Variants in OPHN1 observed in about 807,000 individuals in gnomAD.
OPHN1 encodes the protein oligophrenin 1, also known as oligophrenin-1.
A neutral mutation model predicts 60.7 loss-of-function variants in OPHN1; 11 were observed. The observed-to-expected ratio is 0.18, with a 90% CI of 0.11 to 0.30. The LOEUF is 0.30. OPHN1 is among the 10% of genes least tolerant of loss of function. OPHN1 has a pLI of 1.00. For synonymous variants in OPHN1, 226 were observed against 222.6 expected, an observed-to-expected ratio of 1.02 and a Z score of -0.14; for missense variants, 449 against 611.0, an observed-to-expected ratio of 0.73 and a Z score of 2.80.
chrX:68,379,433 C>T (rs2078581992), intron 2 of OPHN1, among the ~76,000 whole-genome samples: 1 of 106,857 alleles, frequency 9.4e-6, no homozygotes, highest in Admixed American at 1.0e-4. Context: ...CCTTCTCCTG[C>T]CTAATTGCCC....
chrX:68,382,773 T>C (rs189193222), intron 2 of OPHN1, among the ~76,000 whole-genome samples: 81 of 111,774 alleles, frequency 7.2e-4, no homozygotes, highest in South Asian at 2.3e-3. Context: ...TTATGGTATG[T>C]GAATTTTATC....
chrX:68,099,032 A>T (rs1054616003), intron 18 of OPHN1, among the ~76,000 whole-genome samples: 13 of 111,192 alleles, frequency 1.2e-4, no homozygotes, highest in Non-Finnish European at 9.4e-5. Context: ...GGAGAAATCA[A>T]AACTCATATG....
chrX:68,089,107 G>A lies in OPHN1; in HGVS notation c.1686+7763C>T, dbSNP rs754717134. Reference sequence around the variant, plus strand: ...ATTCCTGTTTTCTGAAATTCCTATTGGCCTATCACCAGACTGCTGAAGCTC... The same window carrying A: ...ATTCCTGTTTTCTGAAATTCCTATTAGCCTATCACCAGACTGCTGAAGCTC... On this transcript the variant is annotated intron_variant, in intron 19 of 24. Transcript: ENST00000355520. Among the ~76,000 whole-genome samples, 16 of 111,042 alleles carry A rather than the reference G, an allele frequency of 1.4e-4. No homozygotes were observed. In the South Asian group the frequency reaches 6.1e-3, roughly 43 times the overall value.
At chrX:68,376,218 A>G (rs2062130947) in intron 2 of OPHN1, among the ~76,000 whole-genome samples, 2 of 111,959 alleles carry the variant, frequency 1.8e-5, no homozygotes, top group African/African-American at 6.5e-5. Flanking sequence ...CCTGCCCTCA[A>G]GGAACTCATT....
At chrX:68,316,858 T>G (rs2078201667) in intron 2 of OPHN1, among the ~76,000 whole-genome samples, 1 of 112,065 alleles carries the variant, frequency 8.9e-6, no homozygotes, top group Non-Finnish European at 1.9e-5. Context: ...ATTTATAAAT[T>G]TAAGTGAGTA....
chrX:68,149,739 T>C (rs982467763), intron 15 of OPHN1, among the ~76,000 whole-genome samples: 8 of 110,600 alleles, frequency 7.2e-5, no homozygotes, highest in African/African-American at 2.6e-4. Flanking sequence ...AGTTTCATGG[T>C]TCCTCGAAAA....
chrX:68,135,594 G>A (rs745605219), intron 15 of OPHN1, among the ~76,000 whole-genome samples: 12 of 112,288 alleles, frequency 1.1e-4, no homozygotes, highest in Admixed American at 3.8e-4. Flanking sequence ...CAGTAAGAGC[G>A]TAACTGGGAC....
In OPHN1 at chrX:68,104,100, C is replaced by A. The variant is rs188146290; in HGVS notation, c.1527-7071G>T. On this transcript the variant is annotated intron_variant, in intron 18 of 24. Transcript: ENST00000355520. ...GAGAATAAAATACCTAGGAATACAA[C>A]ATGCAAGGGACGTGAAGGGCCTCTT... Among the ~76,000 whole-genome samples, 578 of 111,676 alleles carry A rather than the reference C, an allele frequency of 5.2e-3. 2 individuals are homozygous for A. The highest frequency in any genetic ancestry group is 8.5e-3 in the Non-Finnish European group (451 of 53,078).
rs773632176 is a variant in OPHN1 at position 68,234,083 on chromosome X, C to T, written c.486+404G>A. Among the ~76,000 whole-genome samples the T allele has an allele frequency of 2.5e-3, 199 of 78,526 alleles. 1 individual carries two copies. Among genetic ancestry groups the T allele is most frequent in the Admixed American group, 5.3e-3 (35 of 6,613 alleles). 68.2% of individuals were successfully genotyped at this position (78,526 alleles called of 115,157 possible). ...GTCCCAAAACAGAACATTCCCCTAA[C>T]CCCTCACCAAAAAAAAAAAAAAAAA... On this transcript the variant is annotated intron_variant, in intron 6 of 24. Coordinates refer to ENST00000355520, the MANE Select transcript of OPHN1 (RefSeq NM_002547.3).
intron 2 of OPHN1, among the ~76,000 whole-genome samples, chrX:68,404,483 T>C: frequency 9.0e-6 from 1 of 111,403 alleles, no homozygotes. Context: ...AATTATCATA[T>C]AATCCAGCAA....
chrX:68,104,577 T>C (rs900973410), intron 18 of OPHN1, among the ~76,000 whole-genome samples: 1 of 111,988 alleles, frequency 8.9e-6, no homozygotes, highest in Non-Finnish European at 1.9e-5. Context: ...GGATTCCCTA[T>C]GTAATAAATG....
chrX:68,253,204 G>A (rs1268644291), intron 5 of OPHN1, among the ~76,000 whole-genome samples: 1 of 111,391 alleles, frequency 9.0e-6, no homozygotes, highest in Non-Finnish European at 1.9e-5. Flanking sequence ...AACTTTATAA[G>A]TAAAATAAAC....
chrX:68,125,587 T>C (rs1484759901), intron 15 of OPHN1, among the ~76,000 whole-genome samples: 2 of 109,624 alleles, frequency 1.8e-5, no homozygotes, highest in African/African-American at 6.6e-5. Flanking sequence ...CTAGAAGAAA[T>C]TGATAAATTC....
At chrX:68,220,195 T>C (rs1392272229) in intron 6 of OPHN1, among the ~76,000 whole-genome samples, 1 of 105,558 alleles carries the variant, frequency 9.5e-6, no homozygotes, top group East Asian at 3.1e-4. Flanking sequence ...AATGGATAAA[T>C]TCCTGGACAC....
At chrX:68,318,879 TA>T (rs773702954) in intron 2 of OPHN1, among the ~76,000 whole-genome samples, 2 of 111,804 alleles carry the variant, frequency 1.8e-5, no homozygotes, top group African/African-American at 6.5e-5. Context: ...GTCTCTCAAT[TA>T]AGATCTGTCT....
At chrX:68,052,428 A>C in intron 23 of OPHN1, 112 bp downstream of exon 23, 1 of 695,624 alleles carries the variant, frequency 1.4e-6, no homozygotes, top group Non-Finnish European at 2.3e-6. Context: ...AGACAGAGAC[A>C]GAGCTGTAGA....
intron 2 of OPHN1, among the ~76,000 whole-genome samples, chrX:68,386,607 T>C (rs569128198): frequency 5.4e-5 from 6 of 112,060 alleles, no homozygotes; most frequent in African/African-American, 1.9e-4. Flanking sequence ...ACTGGGCCAG[T>C]ATCCAAACTC....
chrX:68,102,601 A>C (rs2077064148), intron 18 of OPHN1, among the ~76,000 whole-genome samples: 1 of 111,542 alleles, frequency 9.0e-6, no homozygotes, highest in South Asian at 3.8e-4. Context: ...GGTTTTTGAA[A>C]AGATTAACTA....
intron 5 of OPHN1, among the ~76,000 whole-genome samples, chrX:68,250,111 G>A (rs1297358600): frequency 8.9e-6 from 1 of 112,088 alleles, no homozygotes; most frequent in Non-Finnish European, 1.9e-5. Context: ...CGCCCCAAGG[G>A]AAATTGCCTC....
Sources: gnomAD v4.1 joint callset for allele counts (sites outside exome capture counted in the v4.1 genomes callset) on GRCh38, gnomAD v4.1.1 for gene constraint, MANE v1.5 for transcripts, NCBI Gene and HGNC (gene_info 2026-07-23, HGNC 2026-07-21) for gene names.